The following TENM2 variants were observed in gnomAD, a reference collection of about 807,000 sequenced individuals.
TENM2 encodes teneurin-2.
Under a neutral mutation model 245.2 loss-of-function variants are expected in TENM2, and 52 were observed. The ratio of observed to expected loss-of-function variants is 0.21; its 90% confidence interval spans 0.17 to 0.27. The LOEUF is 0.27. Among genes scored for constraint, TENM2 ranks in the 10% least tolerant of loss-of-function variants. The pLI is 1.00. For missense variants in TENM2, 3,046 were observed against 3,666.8 expected, an observed-to-expected ratio of 0.83 and a Z score of 4.37; for synonymous variants, 1,363 against 1,438.9, an observed-to-expected ratio of 0.95 and a Z score of 1.19.
chr5:168,085,481 C>A (rs559255928), intron 7 of TENM2: 1 of 152,308 alleles, frequency 6.6e-6, no homozygotes, highest in African/African-American at 2.4e-5. Context: ...GTGGTGCCTG[C>A]AGCTGGGCCG....
chr5:167,561,399 C>T (rs1033751799), intron 2 of TENM2, among the ~76,000 whole-genome samples: 2 of 152,194 alleles, frequency 1.3e-5, no homozygotes, highest in African/African-American at 4.8e-5. Context: ...CTATTAATTT[C>T]ACTCCATTCT....
intron 2 of TENM2, among the ~76,000 whole-genome samples, chr5:167,703,982 A>G (rs1758336895): frequency 6.6e-6 from 1 of 152,206 alleles, no homozygotes; most frequent in Non-Finnish European, 1.5e-5. Context: ...AATAGAGAGG[A>G]ACAAGGAAGG....
At chr5:168,100,517 A>C (rs1037273722) in intron 9 of TENM2, among the ~76,000 whole-genome samples, 15 of 152,234 alleles carry the variant, frequency 9.9e-5, no homozygotes, top group Admixed American at 5.2e-4. Flanking sequence ...GGATAAAGTA[A>C]ATGTGGCACA....
intron 2 of TENM2, among the ~76,000 whole-genome samples, chr5:167,383,010 A>C (rs1320500172): frequency 6.6e-6 from 1 of 152,052 alleles, no homozygotes; most frequent in Non-Finnish European, 1.5e-5. Flanking sequence ...AGTTGTGTTA[A>C]TTTGGGGTGG....
chr5:168,219,048 CT>C, intron 23 of TENM2, 49 bp downstream of exon 25: 2 of 1,566,498 alleles, frequency 1.3e-6, no homozygotes, highest in Non-Finnish European at 1.7e-6. Context: ...CTTGCCCTAG[CT>C]GGCATTAGGA....
intron 2 of TENM2, among the ~76,000 whole-genome samples, chr5:167,569,706 A>G (rs548261128): frequency 2.0e-5 from 3 of 152,198 alleles, no homozygotes; most frequent in Non-Finnish European, 4.4e-5. Flanking sequence ...TCCCATTACT[A>G]TGAACTATTT....
At chr5:167,039,658 C>A in the TENM2 span, among the ~76,000 whole-genome samples, 31 of 151,634 alleles carry the variant, frequency 2.0e-4, no homozygotes, top group African/African-American at 7.3e-4. Flanking sequence ...TTGGGTGCTA[C>A]CAAAAACACC....
rs377284770 is a variant in TENM2, at chr5:167,355,856, A to C, written c.227-19342A>C. The stretch of plus-strand genomic sequence containing the variant: ...TTTTAAAAAAGAAGCAATCTAAAAG[A>C]AATGACCCTTAATTTTTTTTTTTTT... On this transcript the variant is annotated intron_variant, in intron 1 of 28. Transcript: ENST00000518659. 3.3e-4 allele frequency among the ~76,000 whole-genome samples: 49 copies of C among 147,068 alleles called. No homozygotes were observed. The East Asian group carries it at 9.4e-3, about 28-fold the overall frequency.
At chr5:167,949,343 C>G (rs1779894637) in intron 3 of TENM2, among the ~76,000 whole-genome samples, 1 of 152,124 alleles carries the variant, frequency 6.6e-6, no homozygotes, top group Admixed American at 6.5e-5. Flanking sequence ...TGCAAAATCT[C>G]AACTTTGAAT....
intron 2 of TENM2, among the ~76,000 whole-genome samples, chr5:167,639,031 T>C (rs1302520711): frequency 6.6e-6 from 1 of 152,248 alleles, no homozygotes; most frequent in Non-Finnish European, 1.5e-5. Flanking sequence ...GATACAAGCA[T>C]ATCAATCCAT....
chr5:167,705,985 A>T (rs924936900), intron 2 of TENM2, among the ~76,000 whole-genome samples: 22 of 84,640 alleles, frequency 2.6e-4, no homozygotes, highest in Admixed American at 1.6e-3. Context: ...ATATATATAT[A>T]TATATATTTA....
At chr5:167,384,086 C>CT (rs1352787588) in intron 2 of TENM2, among the ~76,000 whole-genome samples, 10 of 152,156 alleles carry the variant, frequency 6.6e-5, no homozygotes, top group Admixed American at 6.5e-4. Flanking sequence ...TGATACCTAA[C>CT]TATGTTATAG....
chr5:167,353,488 G>A (rs12520270), intron 1 of TENM2, among the ~76,000 whole-genome samples: 1 of 116,768 alleles, frequency 8.6e-6, no homozygotes, highest in African/African-American at 3.3e-5. Context: ...GGTGTTTTTT[G>A]TTGTTGTTGT....
chr5:168,148,908 TAGA>T (rs879712061), intron 12 of TENM2, among the ~76,000 whole-genome samples: 94 of 136,530 alleles, frequency 6.9e-4, no homozygotes, highest in South Asian at 2.3e-3. Context: ...GATAGATAGA[TAGA>T]TAGATAGATT....
chr5:167,343,423 T>G (rs1281698285), intron 1 of TENM2, among the ~76,000 whole-genome samples: 1 of 152,212 alleles, frequency 6.6e-6, no homozygotes, highest in Admixed American at 6.5e-5. Context: ...GGCTGGCCAT[T>G]GAGAACTTGA....
chr5:167,881,983 C>T (rs1056072390), intron 3 of TENM2, among the ~76,000 whole-genome samples: 11 of 152,170 alleles, frequency 7.2e-5, no homozygotes, highest in South Asian at 2.1e-4. Context: ...GACAAAACCA[C>T]GGCACAAAGA....
At chr5:167,935,718 C>G (rs1778653761) in intron 3 of TENM2, among the ~76,000 whole-genome samples, 1 of 152,164 alleles carries the variant, frequency 6.6e-6, no homozygotes, top group South Asian at 2.1e-4. Context: ...GAGAAAGCCT[C>G]TGCTAGCTGC....
chr5:167,422,578 T>C (rs1347753567), intron 2 of TENM2, among the ~76,000 whole-genome samples: 1 of 152,226 alleles, frequency 6.6e-6, no homozygotes, highest in Non-Finnish European at 1.5e-5. Flanking sequence ...GATTCTTATG[T>C]TTATTTTACA....
chr5:167,050,883 C>G, the TENM2 span, among the ~76,000 whole-genome samples: 2 of 152,108 alleles, frequency 1.3e-5, no homozygotes, highest in Admixed American at 1.3e-4. Flanking sequence ...GGATCCTGAA[C>G]CTAATGTATC....
Sources: allele counts gnomAD v4.1 joint callset (sites outside exome capture counted in the v4.1 genomes callset), GRCh38; gene constraint gnomAD v4.1.1; transcripts MANE v1.5; gene names NCBI Gene and HGNC (gene_info 2026-07-23, HGNC 2026-07-21).